JMY: variants seen among roughly 807,000 people sequenced by gnomAD.
The protein encoded by JMY is junction mediating and regulatory protein, p53 cofactor, also known as junction-mediating and -regulatory protein.
JMY carries 46 observed loss-of-function variants against 103.3 expected under a neutral mutation model. The ratio of observed to expected loss-of-function variants is 0.45; its 90% confidence interval spans 0.35 to 0.57. JMY has a LOEUF of 0.57. Among genes scored for constraint, JMY ranks in the 20% least tolerant of loss-of-function variants. The probability of loss-of-function intolerance (pLI) is 0.00; values close to 1 mark genes in which losing one functional copy is unlikely to be tolerated. For synonymous variants in JMY, 526 were observed against 489.3 expected, an observed-to-expected ratio of 1.07 and a Z score of -0.99; for missense variants, 1,238 against 1,255.2, an observed-to-expected ratio of 0.99 and a Z score of 0.21.
At chr5:79,305,867 C>G (rs969547908) in intron 6 of JMY, among the ~76,000 whole-genome samples, 3 of 152,118 alleles carry the variant, frequency 2.0e-5, no homozygotes, top group East Asian at 1.9e-4. Context: ...TAAGTAAATA[C>G]TTTCATATTC....
chr5:79,275,841 G>C (rs1175128388), intron 1 of JMY, among the ~76,000 whole-genome samples: 3 of 152,172 alleles, frequency 2.0e-5, no homozygotes, highest in Non-Finnish European at 4.4e-5. Flanking sequence ...GATTTATCAT[G>C]ATTGTTAATA....
intron 1 of JMY, among the ~76,000 whole-genome samples, chr5:79,268,591 G>A (rs1745654256): frequency 1.3e-5 from 2 of 152,014 alleles, no homozygotes; most frequent in Admixed American, 6.6e-5. Context: ...GGGTTCAAGC[G>A]ATTCTTCTGC....
chr5:79,237,061 G>C lies in JMY; in HGVS notation c.411G>C (p.Glu137Asp). 6.5e-7 allele frequency: 1 copy of C among 1,531,184 alleles called. No homozygotes were observed. Among genetic ancestry groups the C allele is most frequent in the Non-Finnish European group, 8.8e-7 (1 of 1,134,766 alleles). The allele number at this position is 1,531,184 out of a possible 1,614,324, so 94.8% of individuals were successfully genotyped here. A position where few individuals can be genotyped will look rare whatever the true frequency, so the allele number is the denominator to read the frequency against. Residue 137 changes from glutamate (E) to aspartate (D), a missense_variant, in exon 1 of 11, where the codon GAG (glutamate) becomes GAC (aspartate). Transcript: ENST00000396137. ...GGAGTCCTGGCAGCAAAGGGGCGGA[G>C]AGTCGTCTTAGGAGCCCAGTGCGGG... ...RLRSPGSKGA[E>D]SRLRSPVRAK...
intron 1 of JMY, among the ~76,000 whole-genome samples, chr5:79,243,867 C>T (rs1388399367): frequency 6.6e-6 from 1 of 152,158 alleles, no homozygotes; most frequent in Non-Finnish European, 1.5e-5. Flanking sequence ...TTTAGGGCTT[C>T]TATAAAACAA....
intron 2 of JMY, chr5:79,284,239 C>T: frequency 1.3e-6 from 2 of 1,534,596 alleles, no homozygotes; most frequent in Non-Finnish European, 1.8e-6. Flanking sequence ...CCATGAAGCT[C>T]CATGAGCTTT....
At chr5:79,268,370 C>T (rs968730911) in intron 1 of JMY, among the ~76,000 whole-genome samples, 20 of 152,232 alleles carry the variant, frequency 1.3e-4, no homozygotes, top group African/African-American at 4.3e-4. Flanking sequence ...CTAGCATTTT[C>T]TGATGTCAGG....
chr5:79,237,881 C>A (rs1009897232), intron 1 of JMY, among the ~76,000 whole-genome samples, 199 bp downstream of exon 1: 2 of 152,032 alleles, frequency 1.3e-5, no homozygotes, highest in Non-Finnish European at 2.9e-5. Flanking sequence ...GAAGGACCTT[C>A]GTCTTTATTT....
Position 79,245,298 on chromosome 5 carries a change from C to T in JMY, c.1032+7616C>T, listed in dbSNP as rs144723024. Among the ~76,000 whole-genome samples, 684 of 152,144 alleles carry T rather than the reference C, an allele frequency of 4.5e-3. 3 individuals carry two copies. The highest frequency in any genetic ancestry group is 5.3e-3 in the Non-Finnish European group (363 of 68,018). On this transcript the variant is annotated intron_variant, in intron 1 of 10. Transcript: ENST00000396137. ...GGCACTGGGAAAATGCAGTGATGAA[C>T]ACTGTTTCTTTGGGAAGAAATTTTA...
chr5:79,274,266 A>G (rs2112081386), intron 1 of JMY, among the ~76,000 whole-genome samples: 1 of 152,106 alleles, frequency 6.6e-6, no homozygotes, highest in South Asian at 2.1e-4. Context: ...TTTCCTGTTT[A>G]TTCTTGTTGA....
chr5:79,299,207 TGC>T (rs113877825), intron 4 of JMY, among the ~76,000 whole-genome samples: 4 of 152,342 alleles, frequency 2.6e-5, no homozygotes, highest in African/African-American at 7.2e-5. Context: ...TTCCTGGAGC[TGC>T]TAAGCATGAA....
chr5:79,309,686 C>T (rs1410600128), intron 7 of JMY, among the ~76,000 whole-genome samples: 2 of 152,178 alleles, frequency 1.3e-5, no homozygotes, highest in South Asian at 2.1e-4. Flanking sequence ...ATTTTAACCA[C>T]ATAAAATTAG....
intron 7 of JMY, among the ~76,000 whole-genome samples, chr5:79,311,171 A>T (rs1481073513): frequency 1.4e-5 from 2 of 141,594 alleles, no homozygotes; most frequent in African/African-American, 5.3e-5. Context: ...TTTTTGGTAG[A>T]GATAGGGTCT....
rs1561321794 is a variant in JMY at position 79,324,520 on chromosome 5, T to G, written c.*2918T>G. ...AGTTTGGGACATTTTGAGATTAATG[T>G]TACTGCCCACTTGACTGTCAATTTC... is the stretch of plus-strand genomic sequence containing the variant. On this transcript the variant is annotated 3_prime_UTR_variant, in exon 11 of 11. Transcript: ENST00000396137. The G allele has an allele frequency of 6.6e-6, 1 of 152,234 alleles. No individual in the cohort carries two copies. The highest frequency in any genetic ancestry group is 2.4e-5 in the African/African-American group (1 of 41,472). 9.4% of individuals were successfully genotyped at this position (152,234 alleles called of 1,614,324 possible).
intron 6 of JMY, among the ~76,000 whole-genome samples, chr5:79,301,406 A>G (rs1355379522): frequency 6.6e-6 from 1 of 152,182 alleles, no homozygotes; most frequent in East Asian, 1.9e-4. Flanking sequence ...ACCTAGACCA[A>G]ACTGATGACT....
At chr5:79,254,036 C>T (rs1266590351) in intron 1 of JMY, among the ~76,000 whole-genome samples, 2 of 151,430 alleles carry the variant, frequency 1.3e-5, no homozygotes, top group East Asian at 3.9e-4. Context: ...CAACCTCCTC[C>T]TCCCAGGTTC....
intron 8 of JMY, 31 bp downstream of exon 8, chr5:79,312,529 T>C: frequency 8.1e-7 from 1 of 1,242,026 alleles, no homozygotes; most frequent in East Asian, 2.6e-5. Flanking sequence ...TTTATTGTTT[T>C]TCTTTTTTTT....
intron 1 of JMY, among the ~76,000 whole-genome samples, chr5:79,269,985 C>T (rs769334482): frequency 2.0e-5 from 3 of 151,988 alleles, no homozygotes; most frequent in Non-Finnish European, 4.4e-5. Context: ...CCTGCCTCTG[C>T]CTCCCAGAGG....
At position 79,236,398 on chromosome 5, in the gene JMY, G is replaced by T. The variant is rs1290329153; in HGVS notation, c.-253G>T. The T allele has an allele frequency of 3.3e-5, 11 of 336,984 alleles. No individual in the cohort carries two copies. The highest frequency in any genetic ancestry group is 5.3e-5 in the Non-Finnish European group (10 of 186,980). The allele number at this position is 336,984 out of a possible 1,614,324, so 20.9% of individuals were successfully genotyped here. A position where few individuals can be genotyped will look rare whatever the true frequency, so the allele number is the denominator to read the frequency against. On this transcript the variant is annotated 5_prime_UTR_variant, in exon 1 of 11. Transcript: ENST00000396137. ...TGCGGCAGCGCGGAGCTTGTAAACA[G>T]ATCCGGCCGCAGGTGACCATGTGAA...
chr5:79,284,368 G>A, intron 2 of JMY: 1 of 1,284,172 alleles, frequency 7.8e-7, no homozygotes, highest in Non-Finnish European at 1.1e-6. Context: ...TCAATTTATT[G>A]ACCACTTCTT....
Sources: gnomAD v4.1 joint callset for allele counts (sites outside exome capture counted in the v4.1 genomes callset) on GRCh38, gnomAD v4.1.1 for gene constraint, MANE v1.5 for transcripts, NCBI Gene and HGNC (gene_info 2026-07-23, HGNC 2026-07-21) for gene names.